The following PTPRD variants were observed in gnomAD, a reference collection of about 807,000 sequenced individuals.
PTPRD encodes protein tyrosine phosphatase receptor type D, also known as receptor-type tyrosine-protein phosphatase delta.
Under a neutral mutation model 214.5 loss-of-function variants are expected in PTPRD, and 34 were observed. The ratio of observed to expected loss-of-function variants is 0.16; its 90% CI spans 0.12 to 0.21. PTPRD has a LOEUF of 0.21. PTPRD is among the 10% of genes least tolerant of loss of function. The probability of loss-of-function intolerance (pLI) is 1.00; values close to 1 mark genes in which losing one functional copy is unlikely to be tolerated. For synonymous variants in PTPRD, 1,128 were observed against 845.7 expected, an observed-to-expected ratio of 1.33 and a Z score of -5.79; for missense variants, 2,545 against 2,398.7, an observed-to-expected ratio of 1.06 and a Z score of -1.27.
intron 2 of PTPRD, among the ~76,000 whole-genome samples, chr9:10,431,482 A>G (rs1325137306): frequency 2.6e-5 from 4 of 152,122 alleles, no homozygotes; most frequent in Non-Finnish European, 5.9e-5. Context: ...AGAAACTACC[A>G]TCAGAGTGAA....
At chr9:9,050,701 A>AGTCC (rs1554684911) in intron 10 of PTPRD, among the ~76,000 whole-genome samples, 1 of 2,274 alleles carries the variant, frequency 4.4e-4, no homozygotes, top group African/African-American at 4.7e-4. Context: ...CCTACCTCTT[A>AGTCC]GTAGCTGTCT....
chr9:8,935,188 C>A (rs1367492878), intron 11 of PTPRD, among the ~76,000 whole-genome samples: 1 of 152,170 alleles, frequency 6.6e-6, no homozygotes, highest in African/African-American at 2.4e-5. Flanking sequence ...ATGACACCAT[C>A]TTACATATAG....
intron 3 of PTPRD, among the ~76,000 whole-genome samples, chr9:10,082,737 TGAGA>T (rs68074159): frequency 0.024 from 3,701 of 151,172 alleles, 88 homozygotes; most frequent in African/African-American, 0.065. Context: ...TATTAAATGA[TGAGA>T]GAGAGAGTAT....
At chr9:9,498,255 G>T (rs545589063) in intron 8 of PTPRD, among the ~76,000 whole-genome samples, 1 of 152,094 alleles carries the variant, frequency 6.6e-6, no homozygotes, top group Admixed American at 6.6e-5. Flanking sequence ...TATTGCTTAA[G>T]TTCCCTCTTG....
chr9:8,722,501 T>G lies in PTPRD; in HGVS notation c.64+11279A>C, dbSNP rs941361889. 1.5e-4 allele frequency among the ~76,000 whole-genome samples: 23 copies of G among 150,344 alleles called. No homozygotes were observed. In the East Asian group the frequency reaches 2.3e-3, roughly 15 times the overall value. The stretch of plus-strand genomic sequence containing the variant: ...TAAATCATATAAACAATAAAGGGTT[T>G]TTTTTTTTCTTAAATGGAAGAAGTT... On this transcript the variant is annotated intron_variant, in intron 12 of 45. Transcript: ENST00000381196.
intron 9 of PTPRD, among the ~76,000 whole-genome samples, chr9:9,217,621 C>T (rs1436561231): frequency 1.3e-5 from 2 of 151,996 alleles, no homozygotes; most frequent in Non-Finnish European, 2.9e-5. Flanking sequence ...TATTCCCTTC[C>T]TTAAAAAGTT....
chr9:9,146,500 A>T (rs1192442942), intron 10 of PTPRD, among the ~76,000 whole-genome samples: 3 of 152,148 alleles, frequency 2.0e-5, no homozygotes, highest in African/African-American at 4.8e-5. Flanking sequence ...GCACCAGTGT[A>T]ATAGGATTTT....
At chr9:9,497,579 T>A (rs1331836043) in intron 8 of PTPRD, among the ~76,000 whole-genome samples, 1 of 152,174 alleles carries the variant, frequency 6.6e-6, no homozygotes, top group Non-Finnish European at 1.5e-5. Context: ...ATATTTTTAT[T>A]TGGACTGGTT....
At chr9:10,182,738 G>A (rs2154309065) in intron 3 of PTPRD, among the ~76,000 whole-genome samples, 1 of 152,272 alleles carries the variant, frequency 6.6e-6, no homozygotes, top group Admixed American at 6.5e-5. Context: ...TATAAATAGA[G>A]AGGCAGTTGG....
At chr9:8,436,886 A>T (rs534613899) in intron 34 of PTPRD, among the ~76,000 whole-genome samples, 197 bp from the exon 35 acceptor site, 1 of 152,348 alleles carries the variant, frequency 6.6e-6, no homozygotes, top group South Asian at 2.1e-4. Context: ...TTTGTAGCCA[A>T]ATGAAAAGTC....
intron 11 of PTPRD, among the ~76,000 whole-genome samples, chr9:8,990,633 G>A (rs146629405): frequency 6.6e-6 from 1 of 152,078 alleles, no homozygotes; most frequent in Non-Finnish European, 1.5e-5. Flanking sequence ...CCCAAAGCCA[G>A]CCAAAAAAAC....
At chr9:8,991,463 G>C (rs73437892) in intron 11 of PTPRD, among the ~76,000 whole-genome samples, 11 of 151,838 alleles carry the variant, frequency 7.2e-5, no homozygotes, top group Non-Finnish European at 1.6e-4. Flanking sequence ...TTTAATTTCC[G>C]TTAACTCTAA....
chr9:8,886,842 C>G (rs12339605), intron 11 of PTPRD, among the ~76,000 whole-genome samples: 2 of 152,268 alleles, frequency 1.3e-5, no homozygotes, highest in South Asian at 4.1e-4. Context: ...AATACAGAGG[C>G]GTTGTCAGGC....
intron 8 of PTPRD, among the ~76,000 whole-genome samples, chr9:9,550,893 T>C (rs2080053205): frequency 6.6e-6 from 1 of 151,910 alleles, no homozygotes. Context: ...CACAAGAACA[T>C]ATCACTACAC....
intron 10 of PTPRD, among the ~76,000 whole-genome samples, chr9:9,078,671 G>A (rs1338515843): frequency 6.6e-6 from 1 of 152,002 alleles, no homozygotes; most frequent in East Asian, 1.9e-4. Context: ...AGTGTTCTCA[G>A]GAGATACAGC....
intron 2 of PTPRD, among the ~76,000 whole-genome samples, chr9:10,580,061 G>T (rs1591385758): frequency 6.6e-6 from 1 of 152,088 alleles, no homozygotes; most frequent in African/African-American, 2.4e-5. Flanking sequence ...TTAACTCTTT[G>T]TTGTTCTAGC....
chr9:8,350,543 A>ATG, intron 39 of PTPRD, among the ~76,000 whole-genome samples: 1 of 152,268 alleles, frequency 6.6e-6, no homozygotes, highest in Non-Finnish European at 1.5e-5. Context: ...TAAAACTGTG[A>ATG]TGTGACTCTG....
chr9:9,643,696 TTGTC>T (rs374498194), intron 7 of PTPRD, among the ~76,000 whole-genome samples: 159 of 152,282 alleles, frequency 1.0e-3, no homozygotes, highest in African/African-American at 3.8e-3. Context: ...CCTGCTTCCT[TTGTC>T]TGTCATAATG....
chr9:9,926,414 T>A (rs1344047122), intron 5 of PTPRD, among the ~76,000 whole-genome samples: 1 of 151,694 alleles, frequency 6.6e-6, no homozygotes, highest in African/African-American at 2.4e-5. Flanking sequence ...AGCCAGGGAA[T>A]ATGGAAAGAA....
Sources: gnomAD v4.1 joint callset for allele counts (sites outside exome capture counted in the v4.1 genomes callset) on GRCh38, gnomAD v4.1.1 for gene constraint, MANE v1.5 for transcripts, NCBI Gene and HGNC (gene_info 2026-07-23, HGNC 2026-07-21) for gene names.